Variants in CNTNAP2 observed in about 807,000 individuals in gnomAD.
CNTNAP2 encodes the protein contactin associated protein 2, also known as contactin-associated protein-like 2.
CNTNAP2 carries 98 observed loss-of-function variants against 155.2 expected under a neutral mutation model. The observed-to-expected ratio is 0.63, with a 90% CI of 0.54 to 0.75. The LOEUF (loss-of-function observed/expected upper bound fraction) is 0.75, where lower values mean the gene tolerates loss of function less well. CNTNAP2 is among the 30% of genes least tolerant of loss of function. The probability of loss-of-function intolerance (pLI) is 0.00; values close to 1 mark genes in which losing one functional copy is unlikely to be tolerated. For synonymous variants in CNTNAP2, 651 were observed against 631.2 expected, an observed-to-expected ratio of 1.03 and a Z score of -0.47; for missense variants, 1,727 against 1,688.1, an observed-to-expected ratio of 1.02 and a Z score of -0.40.
intron 8 of CNTNAP2, among the ~76,000 whole-genome samples, chr7:147,139,270 G>A (rs1801550406): frequency 6.6e-6 from 1 of 152,050 alleles, no homozygotes; most frequent in Non-Finnish European, 1.5e-5. Flanking sequence ...CTTCATGTAA[G>A]GTTGAAACTT....
intron 12 of CNTNAP2, among the ~76,000 whole-genome samples, chr7:147,587,470 T>C (rs1396611598): frequency 4.6e-5 from 7 of 152,178 alleles, no homozygotes; most frequent in African/African-American, 1.7e-4. Flanking sequence ...TTTGCTTACA[T>C]TTCAGCATAC....
chr7:147,341,086 GTGTGTA>G (rs1371302882), intron 9 of CNTNAP2, among the ~76,000 whole-genome samples: 1 of 144,630 alleles, frequency 6.9e-6, no homozygotes, highest in Non-Finnish European at 1.5e-5. Context: ...GTGTGTGTGT[GTGTGTA>G]TATATATACA....
intron 1 of CNTNAP2, among the ~76,000 whole-genome samples, chr7:146,667,570 C>T (rs1157181403): frequency 2.0e-5 from 3 of 151,762 alleles, no homozygotes; most frequent in Admixed American, 6.6e-5. Flanking sequence ...GATAGTATGG[C>T]CATTTTAACA....
chr7:147,311,608 C>A (rs944212890), intron 9 of CNTNAP2, among the ~76,000 whole-genome samples: 1 of 152,040 alleles, frequency 6.6e-6, no homozygotes, highest in Non-Finnish European at 1.5e-5. Context: ...TCCTTAGTAG[C>A]CACAAGTCAT....
intron 21 of CNTNAP2, among the ~76,000 whole-genome samples, chr7:148,317,352 T>C (rs1797708374): frequency 7.2e-6 from 1 of 138,434 alleles, no homozygotes; most frequent in Non-Finnish European, 1.6e-5. Flanking sequence ...TGAAACTCCA[T>C]CTCAAAAAAA....
intron 10 of CNTNAP2, among the ~76,000 whole-genome samples, chr7:147,422,997 A>C (rs1797320525): frequency 6.6e-6 from 1 of 152,244 alleles, no homozygotes; most frequent in Admixed American, 6.5e-5. Flanking sequence ...TCAATTGTAG[A>C]TAATGAATGA....
chr7:146,423,403 T>C (rs1418970728), intron 1 of CNTNAP2, among the ~76,000 whole-genome samples: 3 of 152,172 alleles, frequency 2.0e-5, no homozygotes, highest in Admixed American at 2.0e-4. Flanking sequence ...AACATTATCA[T>C]TAATTGGAGA....
chr7:147,146,999 G>C (rs769997819), intron 8 of CNTNAP2, among the ~76,000 whole-genome samples: 7 of 152,160 alleles, frequency 4.6e-5, no homozygotes, highest in Non-Finnish European at 7.3e-5. Context: ...TCACACTGCT[G>C]TGAAGAAATA....
In CNTNAP2 at chr7:146,475,892, GA is replaced by G. The variant is rs978579466; in HGVS notation, c.98-298377del. 4.6e-5 allele frequency among the ~76,000 whole-genome samples: 7 copies of G among 152,214 alleles called. 1 individual carries two copies. The highest frequency in any genetic ancestry group is 8.8e-5 in the Non-Finnish European group (6 of 67,998). ...AGACATGAAAAGTAGAAGTCACAGA[GA>G]AGCTGAAGAATTTAGTTTTCAACTA... On this transcript the variant is annotated intron_variant, in intron 1 of 23. Coordinates refer to ENST00000361727, the MANE Select transcript of CNTNAP2 (RefSeq NM_014141.6).
At chr7:146,197,963 C>T (rs1391042340) in intron 1 of CNTNAP2, among the ~76,000 whole-genome samples, 1 of 152,066 alleles carries the variant, frequency 6.6e-6, no homozygotes, top group Non-Finnish European at 1.5e-5. Context: ...GGGAGCAAGG[C>T]ATGTCTTACA....
At chr7:147,527,396 G>A (rs910472568) in intron 11 of CNTNAP2, among the ~76,000 whole-genome samples, 5 of 152,016 alleles carry the variant, frequency 3.3e-5, no homozygotes, top group African/African-American at 9.7e-5. Context: ...CATACCCAAG[G>A]TCCTAAAAAG....
chr7:146,762,814 G>A (rs1802126517), intron 1 of CNTNAP2, among the ~76,000 whole-genome samples: 1 of 152,042 alleles, frequency 6.6e-6, no homozygotes, highest in Non-Finnish European at 1.5e-5. Flanking sequence ...ATGTACAGGG[G>A]AACTCCCCTT....
chr7:147,827,746 T>C (rs1165235454), intron 13 of CNTNAP2, among the ~76,000 whole-genome samples: 4 of 152,130 alleles, frequency 2.6e-5, no homozygotes, highest in South Asian at 2.1e-4. Flanking sequence ...AGGAAGGAGA[T>C]GATTTAGAAA....
intron 8 of CNTNAP2, among the ~76,000 whole-genome samples, chr7:147,142,522 G>A (rs557438161): frequency 2.6e-5 from 4 of 152,046 alleles, no homozygotes; most frequent in African/African-American, 9.7e-5. Flanking sequence ...CAGGGATATT[G>A]GTCTAAAATT....
chr7:146,124,859 T>G (rs1797612110), intron 1 of CNTNAP2, among the ~76,000 whole-genome samples: 1 of 152,194 alleles, frequency 6.6e-6, no homozygotes, highest in African/African-American at 2.4e-5. Context: ...GGTATTTTAC[T>G]CAGTGGATTT....
At chr7:146,782,368 A>G (rs983293304) in intron 2 of CNTNAP2, 1 of 152,082 alleles carries the variant, frequency 6.6e-6, no homozygotes, top group South Asian at 2.1e-4. Context: ...GGCTGGTCAT[A>G]CTTCTTCATC....
At chr7:146,725,059 C>G (rs527502672) in intron 1 of CNTNAP2, among the ~76,000 whole-genome samples, 2 of 152,110 alleles carry the variant, frequency 1.3e-5, no homozygotes, top group African/African-American at 4.8e-5. Context: ...TTTCTCCTGG[C>G]TACTGGCGGT....
intron 1 of CNTNAP2, among the ~76,000 whole-genome samples, chr7:146,183,564 C>T (rs554984597): frequency 2.0e-5 from 3 of 151,644 alleles, no homozygotes; most frequent in Admixed American, 1.3e-4. Context: ...AGTGCTGCCG[C>T]AGATCTGCTG....
intron 13 of CNTNAP2, among the ~76,000 whole-genome samples, chr7:147,864,072 A>T (rs1799182775): frequency 6.6e-6 from 1 of 151,982 alleles, no homozygotes; most frequent in African/African-American, 2.4e-5. Context: ...TCTAACATTT[A>T]AGTCTTTAAT....
Sources: allele counts gnomAD v4.1 joint callset (sites outside exome capture counted in the v4.1 genomes callset), GRCh38; gene constraint gnomAD v4.1.1; transcripts MANE v1.5; gene names NCBI Gene and HGNC (gene_info 2026-07-23, HGNC 2026-07-21).